Variants in FREM2 observed in about 807,000 individuals in gnomAD.
The protein encoded by FREM2 is FRAS1-related extracellular matrix protein 2.
Under a neutral mutation model 219.9 loss-of-function variants are expected in FREM2, and 119 were observed. The ratio of observed to expected loss-of-function variants is 0.54; its 90% CI spans 0.47 to 0.63. The LOEUF is 0.63. FREM2 is among the 30% of genes least tolerant of loss of function. The pLI, the probability that FREM2 is intolerant of heterozygous loss-of-function variation, is 0.00. For missense variants in FREM2, 4,030 were observed against 3,993.6 expected (o/e 1.01, Z -0.25); for synonymous variants, 1,562 against 1,522.8 (o/e 1.03, Z -0.60).
intron 6 of FREM2, among the ~76,000 whole-genome samples, chr13:38,823,016 G>A (rs907451798): frequency 1.3e-5 from 2 of 151,984 alleles, no homozygotes; most frequent in African/African-American, 4.8e-5. Context: ...ATTCTGAAAA[G>A]CATCAAAACA....
intron 4 of FREM2, among the ~76,000 whole-genome samples, chr13:38,781,579 C>T (rs1036005962): frequency 3.9e-5 from 6 of 152,082 alleles, no homozygotes; most frequent in Non-Finnish European, 1.5e-5. Context: ...AAGTCGATGT[C>T]ACCCAATCCA....
intron 6 of FREM2, among the ~76,000 whole-genome samples, chr13:38,845,106 GGT>G (rs1460718758): frequency 1.3e-5 from 2 of 152,172 alleles, no homozygotes; most frequent in African/African-American, 4.8e-5. Flanking sequence ...AAATTTCTAA[GGT>G]TGGTTTTCTA....
At chr13:38,867,964 A>T (rs2137929188) in intron 16 of FREM2, among the ~76,000 whole-genome samples, 1 of 152,326 alleles carries the variant, frequency 6.6e-6, no homozygotes, top group Non-Finnish European at 1.5e-5. Flanking sequence ...CACACCCAGA[A>T]ATAATGCTTT....
At position 38,691,240 on chromosome 13, in the gene FREM2, TTGA is replaced by T; in HGVS notation, c.3903_3905del (p.Asp1301del). On this transcript the variant is annotated inframe_deletion, in exon 1 of 24. Coordinates refer to ENST00000280481, the MANE Select transcript of FREM2 (RefSeq NM_207361.6). ...ACGGTCCTCATTATAGTTATCCCTG[TTGA>T]TGATGAGACGCCCAGAATGACTATC... is the stretch of plus-strand genomic sequence containing the variant. 6.2e-7 allele frequency: 1 copy of T among 1,613,932 alleles called. No homozygotes were observed. Among genetic ancestry groups the T allele is most frequent in the Non-Finnish European group, 8.5e-7 (1 of 1,179,822 alleles).
intron 2 of FREM2, among the ~76,000 whole-genome samples, chr13:38,709,057 G>C (rs1269110581): frequency 1.3e-5 from 2 of 152,142 alleles, no homozygotes; most frequent in Non-Finnish European, 2.9e-5. Context: ...ACCACATCCA[G>C]CCTCAATGTT....
chr13:38,745,656 C>T (rs1872449432), intron 2 of FREM2, among the ~76,000 whole-genome samples: 1 of 152,140 alleles, frequency 6.6e-6, no homozygotes, highest in African/African-American at 2.4e-5. Flanking sequence ...CCATAGAAAA[C>T]AGTTGGCTTT....
intron 2 of FREM2, among the ~76,000 whole-genome samples, chr13:38,736,472 T>A (rs1871999155): frequency 6.6e-6 from 1 of 152,244 alleles, no homozygotes; most frequent in Non-Finnish European, 1.5e-5. Flanking sequence ...TATTTCATTA[T>A]AAGATTTTAT....
At chr13:38,709,986 T>TACACACACACACACAC (rs59108347) in intron 2 of FREM2, among the ~76,000 whole-genome samples, 1 of 130,328 alleles carries the variant, frequency 7.7e-6, no homozygotes, top group African/African-American at 2.8e-5. Context: ...TAACTAAAAA[T>TACACACACACACACAC]ACACACACAC....
chr13:38,780,429 C>A (rs546984300), intron 4 of FREM2, among the ~76,000 whole-genome samples: 4 of 152,304 alleles, frequency 2.6e-5, no homozygotes, highest in African/African-American at 9.6e-5. Flanking sequence ...CTGCCTGGTC[C>A]AAGCTTCTAT....
chr13:38,779,254 C>T lies in FREM2; in HGVS notation c.5642-3816C>T, dbSNP rs148552589. Among the ~76,000 whole-genome samples the T allele has an allele frequency of 4.7e-4, 71 of 152,100 alleles. No homozygotes were observed. The East Asian group carries it at 0.013, about 28-fold the overall frequency. On this transcript the variant is annotated intron_variant, in intron 4 of 23. Coordinates refer to ENST00000280481, the MANE Select transcript of FREM2 (RefSeq NM_207361.6). ...GGGTGGAGGGAAAGGGGAGGGAGAG[C>T]ATTAGGACAAATACCTAATGCATGC... is the stretch of plus-strand genomic sequence containing the variant.
intron 6 of FREM2, among the ~76,000 whole-genome samples, chr13:38,804,629 AAG>A (rs1240863149): frequency 2.0e-5 from 3 of 152,188 alleles, no homozygotes; most frequent in African/African-American, 7.2e-5. Context: ...TAAAAAGACT[AAG>A]AGAGCAGAGT....
chr13:38,772,732 C>T lies in FREM2; in HGVS notation c.5641+2924C>T, dbSNP rs373544689. ...TTTTTTTTAGACGGAGTTTCGCTCT[C>T]GCTGCCCAGGCTGGAGTGCAGTGGC... On this transcript the variant is annotated intron_variant, in intron 4 of 23. Transcript: ENST00000280481. 4.5e-3 allele frequency among the ~76,000 whole-genome samples: 673 copies of T among 150,928 alleles called. 11 individuals are homozygous for T. Among genetic ancestry groups the T allele is most frequent in the African/African-American group, 0.016 (645 of 41,088 alleles).
chr13:38,722,744 CGT>C (rs1491262717), intron 2 of FREM2, among the ~76,000 whole-genome samples: 2 of 120,006 alleles, frequency 1.7e-5, no homozygotes, highest in African/African-American at 6.8e-5. Flanking sequence ...TAGCTGGTAA[CGT>C]TTTTTTTTTT....
At chr13:38,836,324 T>G (rs574393454) in intron 6 of FREM2, among the ~76,000 whole-genome samples, 14 of 152,350 alleles carry the variant, frequency 9.2e-5, no homozygotes, top group Middle Eastern at 6.8e-3. Flanking sequence ...CTTTTTAATG[T>G]GCTGCTGGAT....
chr13:38,722,566 T>C (rs1871324930), intron 2 of FREM2, among the ~76,000 whole-genome samples: 1 of 152,060 alleles, frequency 6.6e-6, no homozygotes, highest in South Asian at 2.1e-4. Context: ...CAAAATAACC[T>C]GGAGGGTGTC....
chr13:38,787,846 C>G (rs566476887), intron 6 of FREM2, among the ~76,000 whole-genome samples: 2 of 151,434 alleles, frequency 1.3e-5, no homozygotes, highest in African/African-American at 4.8e-5. Flanking sequence ...AATGGTCAGT[C>G]CAGTCACAGA....
intron 14 of FREM2, 33 bp from the exon 15 acceptor site, chr13:38,861,398 T>C: frequency 1.2e-6 from 2 of 1,611,164 alleles, no homozygotes; most frequent in Non-Finnish European, 1.7e-6. Flanking sequence ...ATTACCTTCT[T>C]TTCGCATAAA....
At chr13:38,760,457 C>T (rs190796279) in intron 2 of FREM2, among the ~76,000 whole-genome samples, 13 of 152,208 alleles carry the variant, frequency 8.5e-5, no homozygotes, top group Admixed American at 2.0e-4. Flanking sequence ...ATCTCTAAAA[C>T]CATCCACAAA....
chr13:38,760,730 A>C (rs1020808761), intron 2 of FREM2, among the ~76,000 whole-genome samples: 1 of 152,234 alleles, frequency 6.6e-6, no homozygotes, highest in African/African-American at 2.4e-5. Context: ...CCAAGACATT[A>C]GAGTTTCTAA....
Sources: allele counts gnomAD v4.1 joint callset (sites outside exome capture counted in the v4.1 genomes callset), GRCh38; gene constraint gnomAD v4.1.1; transcripts MANE v1.5; gene names NCBI Gene and HGNC (gene_info 2026-07-23, HGNC 2026-07-21).